The following COMMD1 variants were observed in gnomAD, a reference collection of about 807,000 sequenced individuals.
COMMD1 encodes the protein COMM domain-containing protein 1.
In COMMD1, 10 loss-of-function variants were observed where a neutral mutation model predicts 17.2. The ratio of observed to expected loss-of-function variants is 0.58; its 90% confidence interval spans 0.36 to 0.99. COMMD1 has a LOEUF of 0.99. COMMD1 is among the 50% of genes least tolerant of loss of function. The pLI, the probability that COMMD1 is intolerant of heterozygous loss-of-function variation, is 0.01. For missense variants in COMMD1, 270 were observed against 231.8 expected (o/e 1.17, Z -1.07); for synonymous variants, 97 against 91.6 (o/e 1.06, Z -0.34).
At chr2:62,092,557 C>T (rs893252424) in intron 2 of COMMD1, among the ~76,000 whole-genome samples, 1 of 152,098 alleles carries the variant, frequency 6.6e-6, no homozygotes, top group African/African-American at 2.4e-5. Context: ...ATTGAAAGCC[C>T]CTGATAAGGT....
intron 1 of COMMD1, among the ~76,000 whole-genome samples, chr2:61,954,712 C>T (rs1236483345): frequency 5.9e-5 from 9 of 151,792 alleles, no homozygotes; most frequent in Admixed American, 2.6e-4. Context: ...GACAAAGTCT[C>T]GCTCTCTTGC....
chr2:61,983,601 A>C (rs1169595923), intron 1 of COMMD1, among the ~76,000 whole-genome samples: 1 of 152,068 alleles, frequency 6.6e-6, no homozygotes, highest in East Asian at 1.9e-4. Flanking sequence ...GAATTTATCC[A>C]TTTCTTCTAG....
chr2:62,044,827 G>A (rs1670335191), intron 2 of COMMD1, among the ~76,000 whole-genome samples: 1 of 138,858 alleles, frequency 7.2e-6, no homozygotes, highest in South Asian at 2.2e-4. Flanking sequence ...CAAGGAGCAA[G>A]CTCCTAACTT....
At chr2:62,005,645 A>T (rs1669090747) in intron 2 of COMMD1, among the ~76,000 whole-genome samples, 1 of 152,240 alleles carries the variant, frequency 6.6e-6, no homozygotes, top group African/African-American at 2.4e-5. Flanking sequence ...CCACAATGAG[A>T]TACCATCTCA....
chr2:62,135,703 A>G (rs1320458408), intron 2 of COMMD1, 128 bp from the exon 3 acceptor site: 1 of 684,746 alleles, frequency 1.5e-6, no homozygotes, highest in African/African-American at 1.8e-5. Context: ...TGGGTAAAAT[A>G]TCACTTCGAT....
At chr2:61,895,589 C>T (rs1669534332) in intron 1 of COMMD1, among the ~76,000 whole-genome samples, 2 of 152,182 alleles carry the variant, frequency 1.3e-5, no homozygotes, top group Non-Finnish European at 1.5e-5. Flanking sequence ...CCCAGCCCTC[C>T]TCTGAGAGCA....
At chr2:62,065,405 G>A (rs1671008768) in intron 2 of COMMD1, among the ~76,000 whole-genome samples, 1 of 130,526 alleles carries the variant, frequency 7.7e-6, no homozygotes, top group Admixed American at 9.0e-5. Flanking sequence ...AAGTGCAGTG[G>A]TGTGACCTCC....
chr2:62,061,024 C>G (rs1670841485), intron 2 of COMMD1, among the ~76,000 whole-genome samples: 1 of 152,068 alleles, frequency 6.6e-6, no homozygotes, highest in Non-Finnish European at 1.5e-5. Flanking sequence ...TTTTTTACCT[C>G]AGATATATTT....
intron 2 of COMMD1, among the ~76,000 whole-genome samples, chr2:62,046,202 A>G (rs1031688252): frequency 6.6e-6 from 1 of 152,236 alleles, no homozygotes. Context: ...GTTTTTACAG[A>G]TAAAGAAATC....
intron 1 of COMMD1, among the ~76,000 whole-genome samples, chr2:61,922,475 G>T (rs1402478670): frequency 2.6e-5 from 4 of 152,118 alleles, no homozygotes; most frequent in Non-Finnish European, 1.5e-5. Flanking sequence ...GAGCTACTAT[G>T]CCTGGCTAAT....
At chr2:62,067,911 T>C (rs1283986614) in intron 2 of COMMD1, among the ~76,000 whole-genome samples, 1 of 152,234 alleles carries the variant, frequency 6.6e-6, no homozygotes, top group Non-Finnish European at 1.5e-5. Flanking sequence ...TTCTGTGCCC[T>C]GACAAGGTCA....
chr2:62,056,662 A>G (rs1670710472), intron 2 of COMMD1, among the ~76,000 whole-genome samples: 2 of 152,232 alleles, frequency 1.3e-5, no homozygotes, highest in South Asian at 4.1e-4. Flanking sequence ...GATTGAGCCA[A>G]GGCCTTCTTT....
chr2:61,888,743 G>A lies in COMMD1; in HGVS notation n.20G>A. On this transcript the variant is annotated non_coding_transcript_exon_variant, in exon 1 of 3. Transcript: ENST00000472729. Reference sequence around the variant, plus strand: ...GAGGAGGATGCGTGCGGTGGGCTCCGGGCTGGCGAGATTGTACGCCCGGGG... The same window carrying A: ...GAGGAGGATGCGTGCGGTGGGCTCCAGGCTGGCGAGATTGTACGCCCGGGG... 3 of 542,568 alleles carry A rather than the reference G, an allele frequency of 5.5e-6. No individual in the cohort carries two copies. The South Asian group carries it at 6.9e-5, about 13-fold the overall frequency. 33.6% of individuals were successfully genotyped at this position (542,568 alleles called of 1,614,324 possible). A position where few individuals can be genotyped will look rare whatever the true frequency, so the allele number is the denominator to read the frequency against.
chr2:62,099,628 A>G (rs1026717768), intron 2 of COMMD1, among the ~76,000 whole-genome samples: 3 of 146,348 alleles, frequency 2.0e-5, no homozygotes, highest in African/African-American at 7.7e-5. Context: ...TGTGTGGTGG[A>G]TCAATATGTG....
intron 1 of COMMD1, among the ~76,000 whole-genome samples, chr2:61,981,536 G>T (rs866582159): frequency 1.3e-5 from 2 of 152,036 alleles, no homozygotes; most frequent in Non-Finnish European, 2.9e-5. Flanking sequence ...TGTTGTTTTG[G>T]TTACTGTATT....
At chr2:62,050,278 TTTTA>T (rs1450230144) in intron 2 of COMMD1, among the ~76,000 whole-genome samples, 1 of 152,192 alleles carries the variant, frequency 6.6e-6, no homozygotes, top group East Asian at 1.9e-4. Flanking sequence ...CTTTCTGGCT[TTTTA>T]TTTATTTGTA....
At chr2:61,966,358 C>T (rs1392549922) in intron 1 of COMMD1, among the ~76,000 whole-genome samples, 1 of 152,094 alleles carries the variant, frequency 6.6e-6, no homozygotes, top group African/African-American at 2.4e-5. Flanking sequence ...GTGAGTCTGT[C>T]CTTGGCCAGA....
At chr2:62,038,045 T>A (rs1385225513) in intron 2 of COMMD1, among the ~76,000 whole-genome samples, 1 of 152,104 alleles carries the variant, frequency 6.6e-6, no homozygotes, top group Non-Finnish European at 1.5e-5. Flanking sequence ...TCCCAGCACT[T>A]TGAGAGGCCG....
intron 1 of COMMD1, among the ~76,000 whole-genome samples, chr2:61,995,005 C>G (rs1285336564): frequency 7.9e-5 from 12 of 152,236 alleles, no homozygotes; most frequent in Admixed American, 7.2e-4. Flanking sequence ...AAGTTATTAA[C>G]TGCTGCTGTC....
Sources: gnomAD v4.1 joint callset for allele counts (sites outside exome capture counted in the v4.1 genomes callset) on GRCh38, gnomAD v4.1.1 for gene constraint, MANE v1.5 for transcripts, NCBI Gene and HGNC (gene_info 2026-07-23, HGNC 2026-07-21) for gene names.